The following SOX5 variants were observed in gnomAD, a reference collection of about 807,000 sequenced individuals.
SOX5 encodes transcription factor SOX-5.
A neutral mutation model predicts 92.0 loss-of-function variants in SOX5; 9 were observed. That is an observed-to-expected ratio of 0.10 (90% CI 0.06 to 0.17). The LOEUF (loss-of-function observed/expected upper bound fraction) is 0.17. SOX5 is among the 10% of genes least tolerant of loss of function. SOX5 has a pLI of 1.00. For synonymous variants in SOX5, 344 were observed against 336.3 expected, an observed-to-expected ratio of 1.02 and a Z score of -0.25; for missense variants, 642 against 944.5, an observed-to-expected ratio of 0.68 and a Z score of 4.20.
chr12:23,722,883 G>A (rs1020307257), intron 6 of SOX5, among the ~76,000 whole-genome samples: 5 of 152,214 alleles, frequency 3.3e-5, no homozygotes, highest in Admixed American at 6.5e-5. Context: ...GTTTGGAAGC[G>A]GAGACACCAG....
At chr12:24,272,902 T>G (rs1943942525) in intron 3 of SOX5, among the ~76,000 whole-genome samples, 1 of 149,438 alleles carries the variant, frequency 6.7e-6, no homozygotes, top group Admixed American at 6.7e-5. Flanking sequence ...TTCGGATTGT[T>G]ACCTCTTCTA....
chr12:24,340,388 C>T (rs528173322), intron 2 of SOX5, among the ~76,000 whole-genome samples: 35 of 152,340 alleles, frequency 2.3e-4, no homozygotes, highest in East Asian at 7.7e-4. Context: ...ACCCAACTTG[C>T]TATCCAGGGA....
intron 10 of SOX5, among the ~76,000 whole-genome samples, chr12:23,569,230 T>A (rs1458439751): frequency 6.6e-6 from 1 of 152,138 alleles, no homozygotes; most frequent in East Asian, 1.9e-4. Context: ...TCTCTATCTA[T>A]GTATATTTAA....
At chr12:23,691,837 T>C (rs1238624764) in intron 6 of SOX5, among the ~76,000 whole-genome samples, 1 of 152,204 alleles carries the variant, frequency 6.6e-6, no homozygotes, top group Non-Finnish European at 1.5e-5. Context: ...GCTTGTGTAC[T>C]ATATATTTGC....
At chr12:24,559,692 C>T (rs1219815390) in intron 1 of SOX5, among the ~76,000 whole-genome samples, 2 of 152,166 alleles carry the variant, frequency 1.3e-5, no homozygotes, top group Non-Finnish European at 2.9e-5. Context: ...CTCACCCCCA[C>T]TGAGGACAAC....
intron 6 of SOX5, among the ~76,000 whole-genome samples, chr12:23,718,718 CT>C (rs2092647548): frequency 6.6e-6 from 1 of 152,086 alleles, no homozygotes; most frequent in Non-Finnish European, 1.5e-5. Flanking sequence ...TTCATATTTC[CT>C]TTCCATTTTC....
At chr12:24,186,440 T>C (rs35598387) in intron 4 of SOX5, among the ~76,000 whole-genome samples, 1 of 152,120 alleles carries the variant, frequency 6.6e-6, no homozygotes. Flanking sequence ...GATTTGATAG[T>C]TCACTCAACA....
intron 2 of SOX5, among the ~76,000 whole-genome samples, chr12:23,885,886 A>T (rs1595374856): frequency 1.3e-5 from 1 of 77,374 alleles, no homozygotes. Context: ...AAAATGGCAA[A>T]AAAAAAAAAA....
chr12:23,899,552 T>G (rs1033315934), intron 1 of SOX5, among the ~76,000 whole-genome samples: 15 of 152,210 alleles, frequency 9.9e-5, no homozygotes, highest in Non-Finnish European at 1.8e-4. Context: ...AGAGATGATT[T>G]TTATCACTTC....
At chr12:24,068,157 AC>A (rs1941101226) in intron 4 of SOX5, among the ~76,000 whole-genome samples, 2 of 152,342 alleles carry the variant, frequency 1.3e-5, no homozygotes, top group South Asian at 4.1e-4. Flanking sequence ...ACAAAACAAA[AC>A]AAAAAAAACT....
chr12:24,550,575 C>T lies in SOX5; in HGVS notation c.-251+11754G>A, dbSNP rs116596871. 5.8e-3 allele frequency among the ~76,000 whole-genome samples: 876 copies of T among 152,298 alleles called. 11 individuals are homozygous for T. Among genetic ancestry groups the T allele is most frequent in the African/African-American group, 0.02 (847 of 41,532 alleles). On this transcript the variant is annotated intron_variant, in intron 1 of 4. Transcript: ENST00000446891. ...AGATACTAACCTCCATGGCTAAATA[C>T]TCCACTTCTCTCTTCTGAAGAAATA...
chr12:24,213,601 ATT>A (rs34063517), intron 3 of SOX5, among the ~76,000 whole-genome samples: 11,708 of 149,012 alleles, frequency 0.079, 629 homozygotes, highest in African/African-American at 0.15. Flanking sequence ...CATTATAATA[ATT>A]TTTTTTTTTT....
At chr12:24,390,920 TTTA>T in intron 1 of SOX5, among the ~76,000 whole-genome samples, 1 of 152,278 alleles carries the variant, frequency 6.6e-6, no homozygotes, top group East Asian at 1.9e-4. Context: ...GACATATTGA[TTTA>T]TTTTCCTTTG....
intron 2 of SOX5, among the ~76,000 whole-genome samples, chr12:24,289,242 C>A (rs1287998102): frequency 1.3e-5 from 2 of 151,580 alleles, no homozygotes; most frequent in Non-Finnish European, 2.9e-5. Context: ...GATCGCATCA[C>A]TGTACTCCAG....
In SOX5 at chr12:23,655,745, T is replaced by C. The variant is rs572128615; in HGVS notation, c.931+9699A>G. Among the ~76,000 whole-genome samples, 5 of 152,214 alleles carry C rather than the reference T, an allele frequency of 3.3e-5. No individual in the cohort carries two copies. In the East Asian group the frequency reaches 9.7e-4, roughly 29 times the overall value. The stretch of plus-strand genomic sequence containing the variant: ...CCTATGAGATACACATTTAGAATGA[T>C]TGCTGGCCTAGAGATTCCTACTAAA... On this transcript the variant is annotated intron_variant, in intron 7 of 14. Coordinates refer to ENST00000451604, the MANE Select transcript of SOX5 (RefSeq NM_006940.6).
chr12:24,385,359 A>G (rs1470797642), intron 1 of SOX5, among the ~76,000 whole-genome samples: 2 of 152,240 alleles, frequency 1.3e-5, no homozygotes, highest in Non-Finnish European at 2.9e-5. Flanking sequence ...AAGTTTTCTG[A>G]GTACATTTAA....
chr12:23,621,144 T>C (rs1209675683), intron 8 of SOX5, among the ~76,000 whole-genome samples: 2 of 152,020 alleles, frequency 1.3e-5, no homozygotes, highest in Admixed American at 6.6e-5. Flanking sequence ...ATTCTTAAAG[T>C]ATATGTTTGA....
At chr12:23,577,392 G>T (rs112137937) in intron 9 of SOX5, among the ~76,000 whole-genome samples, 3 of 151,486 alleles carry the variant, frequency 2.0e-5, no homozygotes, top group Admixed American at 6.6e-5. Flanking sequence ...TAGAGACAGG[G>T]TTTCACCATG....
intron 9 of SOX5, chr12:23,584,661 GT>G: frequency 7.1e-7 from 1 of 1,401,116 alleles, no homozygotes. Flanking sequence ...CCATGCATTG[GT>G]TTATATTTGG....
Sources: gnomAD v4.1 joint callset for allele counts (sites outside exome capture counted in the v4.1 genomes callset) on GRCh38, gnomAD v4.1.1 for gene constraint, MANE v1.5 for transcripts, NCBI Gene and HGNC (gene_info 2026-07-23, HGNC 2026-07-21) for gene names.